The following TCERG1L variants were observed in gnomAD, a reference collection of about 807,000 sequenced individuals.
TCERG1L encodes the protein transcription elongation regulator 1 like, also known as transcription elongation regulator 1-like protein.
TCERG1L carries 37 observed loss-of-function variants against 56.3 expected under a neutral mutation model. That is an observed-to-expected ratio of 0.66 (90% confidence interval 0.51 to 0.87). The LOEUF (loss-of-function observed/expected upper bound fraction) is 0.87, where lower values mean the gene tolerates loss of function less well. TCERG1L is among the 40% of genes least tolerant of loss of function. The pLI is 0.00. For synonymous variants in TCERG1L, 324 were observed against 326.3 expected (o/e 0.99, Z 0.08); for missense variants, 799 against 774.2 (o/e 1.03, Z -0.38).
intron 4 of TCERG1L, among the ~76,000 whole-genome samples, chr10:131,201,003 T>C (rs979514775): frequency 6.6e-6 from 1 of 152,106 alleles, no homozygotes; most frequent in Admixed American, 6.5e-5. Flanking sequence ...CTCGGGCGGA[T>C]ACAGAATCAC....
chr10:131,177,009 T>C (rs1470381559), intron 4 of TCERG1L, among the ~76,000 whole-genome samples: 1 of 136,190 alleles, frequency 7.3e-6, no homozygotes, highest in African/African-American at 2.8e-5. Context: ...CACAGACACA[T>C]GCACACACAG....
intron 6 of TCERG1L, among the ~76,000 whole-genome samples, chr10:131,154,879 C>T (rs550303547): frequency 1.3e-5 from 2 of 152,198 alleles, no homozygotes; most frequent in South Asian, 2.1e-4. Context: ...AGGCACCTGC[C>T]GCGTGACTGT....
intron 4 of TCERG1L, among the ~76,000 whole-genome samples, chr10:131,181,918 T>C (rs988304762): frequency 6.6e-6 from 1 of 152,246 alleles, no homozygotes; most frequent in Non-Finnish European, 1.5e-5. Context: ...CAAGGCAGCA[T>C]TGCTCGTGTT....
At chr10:131,217,870 C>T (rs939299398) in intron 4 of TCERG1L, among the ~76,000 whole-genome samples, 3 of 152,038 alleles carry the variant, frequency 2.0e-5, no homozygotes, top group African/African-American at 7.2e-5. Context: ...TACATGCGCC[C>T]GCCACCACGC....
intron 4 of TCERG1L, among the ~76,000 whole-genome samples, chr10:131,217,054 GT>G (rs1425219889): frequency 6.6e-6 from 1 of 152,174 alleles, no homozygotes; most frequent in African/African-American, 2.4e-5. Flanking sequence ...TGGCTGGGTG[GT>G]GGACGCAGTA....
intron 4 of TCERG1L, among the ~76,000 whole-genome samples, chr10:131,201,970 CG>C (rs1845442185): frequency 6.6e-6 from 1 of 152,190 alleles, no homozygotes; most frequent in African/African-American, 2.4e-5. Context: ...GTGGGGGTCA[CG>C]GGGGCTGGTT....
intron 4 of TCERG1L, among the ~76,000 whole-genome samples, chr10:131,181,615 C>A (rs1010874683): frequency 1.3e-5 from 2 of 152,256 alleles, no homozygotes; most frequent in Non-Finnish European, 2.9e-5. Flanking sequence ...GCTGAGCCAG[C>A]CTCATCTGCT....
chr10:131,177,635 A>C (rs749340949), intron 4 of TCERG1L, among the ~76,000 whole-genome samples: 69 of 152,308 alleles, frequency 4.5e-4, no homozygotes, highest in Non-Finnish European at 6.3e-4. Flanking sequence ...TAACACGCCC[A>C]GCACATGTCA....
At chr10:131,305,245 G>T (rs924722532) in intron 3 of TCERG1L, among the ~76,000 whole-genome samples, 1 of 152,050 alleles carries the variant, frequency 6.6e-6, no homozygotes, top group African/African-American at 2.4e-5. Flanking sequence ...TGGCCAACAG[G>T]CTTGTTTACA....
At chr10:131,175,342 G>T (rs1846137350) in intron 4 of TCERG1L, among the ~76,000 whole-genome samples, 1 of 152,250 alleles carries the variant, frequency 6.6e-6, no homozygotes, top group Admixed American at 6.5e-5. Flanking sequence ...CGGCACGCTT[G>T]CACGGAGGCA....
chr10:131,283,532 C>G (rs563991887), intron 3 of TCERG1L, among the ~76,000 whole-genome samples: 18 of 151,308 alleles, frequency 1.2e-4, no homozygotes, highest in Non-Finnish European at 2.7e-4. Context: ...TACAGAGAGC[C>G]AAAAATAACA....
At chr10:131,255,146 G>A (rs908506033) in intron 4 of TCERG1L, among the ~76,000 whole-genome samples, 3 of 152,200 alleles carry the variant, frequency 2.0e-5, no homozygotes, top group Non-Finnish European at 4.4e-5. Flanking sequence ...GGAAGGAAGG[G>A]ACAACTGAGT....
chr10:131,160,984 G>T (rs1845971380), intron 6 of TCERG1L: 1 of 152,192 alleles, frequency 6.6e-6, no homozygotes, highest in East Asian at 1.9e-4. Context: ...TCCCCATCCT[G>T]CAGCGTGATA....
chr10:131,232,839 C>T (rs1256204401), intron 4 of TCERG1L, among the ~76,000 whole-genome samples: 1 of 152,222 alleles, frequency 6.6e-6, no homozygotes, highest in African/African-American at 2.4e-5. Flanking sequence ...CCCCCCAACC[C>T]CACCTGTTTC....
intron 4 of TCERG1L, among the ~76,000 whole-genome samples, chr10:131,258,108 T>C (rs75807410): frequency 1.8e-3 from 280 of 152,236 alleles, no homozygotes; most frequent in African/African-American, 5.9e-3. Context: ...CTCCATGGGA[T>C]AGCTCATCCT....
At chr10:131,150,966 A>G (rs1442432629) in intron 6 of TCERG1L, among the ~76,000 whole-genome samples, 1 of 152,154 alleles carries the variant, frequency 6.6e-6, no homozygotes, top group East Asian at 1.9e-4. Context: ...ACTCTTATAA[A>G]ACCATCAGAT....
intron 4 of TCERG1L, among the ~76,000 whole-genome samples, chr10:131,234,654 T>C (rs900901995): frequency 4.6e-5 from 7 of 152,146 alleles, no homozygotes; most frequent in East Asian, 1.9e-4. Flanking sequence ...GAAGCATGTG[T>C]GGTTCACTAA....
At chr10:131,178,414 T>G (rs11599120) in intron 4 of TCERG1L, among the ~76,000 whole-genome samples, 27,226 of 152,202 alleles carry the variant, frequency 0.18, 3,099 homozygotes, top group Middle Eastern at 0.26. Flanking sequence ...TCTCATGCCC[T>G]GAGTGGTCTT....
chr10:131,255,320 C>T (rs1421287778), intron 4 of TCERG1L, among the ~76,000 whole-genome samples: 1 of 152,182 alleles, frequency 6.6e-6, no homozygotes, highest in Non-Finnish European at 1.5e-5. Flanking sequence ...GTGAAAAGGC[C>T]ATCGCAGAAG....
Sources: gnomAD v4.1 joint callset for allele counts (sites outside exome capture counted in the v4.1 genomes callset) on GRCh38, gnomAD v4.1.1 for gene constraint, MANE v1.5 for transcripts, NCBI Gene and HGNC (gene_info 2026-07-23, HGNC 2026-07-21) for gene names.